Variants in CALHM4 observed in about 807,000 individuals in gnomAD.
CALHM4 encodes the protein calcium homeostasis modulator protein 4.
CALHM4 carries 16 observed loss-of-function variants against 13.3 expected under a neutral mutation model. The ratio of observed to expected loss-of-function variants is 1.20; its 90% confidence interval spans 0.81 to 1.82. CALHM4 has a LOEUF of 1.82. CALHM4 is among the 40% of genes most tolerant of loss of function. CALHM4 has a pLI of 0.00. For synonymous variants in CALHM4, 127 were observed against 137.1 expected (o/e 0.93, Z 0.52); for missense variants, 344 against 374.9 (o/e 0.92, Z 0.68).
chr6:116,554,457 C>G, intron 1 of CALHM4, 106 bp downstream of exon 1: 1 of 979,318 alleles, frequency 1.0e-6, no homozygotes, highest in Non-Finnish European at 1.5e-6. Flanking sequence ...GATTATAGAA[C>G]ACAATACTAG....
At chr6:116,549,448 T>C (rs911449885), upstream of CALHM4, among the ~76,000 whole-genome samples, 10 of 152,182 alleles carry the variant, frequency 6.6e-5, no homozygotes, top group Non-Finnish European at 8.8e-5. Flanking sequence ...ATGGATAGAA[T>C]ATACAGTGAT....
chr6:116,529,199 T>C (rs1219307790), intron 1 of CALHM4: 1 of 152,246 alleles, frequency 6.6e-6, no homozygotes, highest in Non-Finnish European at 1.5e-5. Flanking sequence ...TGGTAAGGAA[T>C]GCCTGGGTTG....
chr6:116,556,601 G>C (rs891166484), intron 1 of CALHM4, among the ~76,000 whole-genome samples: 3 of 152,226 alleles, frequency 2.0e-5, no homozygotes, highest in Non-Finnish European at 2.9e-5. Context: ...ACAAGATGCA[G>C]AAGAGGCCTT....
At chr6:116,538,580 G>T (rs190228663) in intron 1 of CALHM4, among the ~76,000 whole-genome samples, 43 of 152,214 alleles carry the variant, frequency 2.8e-4, no homozygotes, top group African/African-American at 8.9e-4. Flanking sequence ...TCTCCAAATT[G>T]CCCTTGAAAT....
intron 2 of CALHM4, chr6:116,545,541 C>A: frequency 6.5e-7 from 1 of 1,542,320 alleles, no homozygotes; most frequent in Non-Finnish European, 8.8e-7. Flanking sequence ...AGAATATGAT[C>A]TTCAATTTCT....
chr6:116,540,430 T>C (rs1583295147), intron 1 of CALHM4: 1 of 1,551,306 alleles, frequency 6.4e-7, no homozygotes, highest in Non-Finnish European at 8.7e-7. Context: ...AGCCAAAAAG[T>C]CTTCCACAAG....
At chr6:116,541,875 A>G (rs1422961038) in intron 1 of CALHM4, among the ~76,000 whole-genome samples, 4 of 152,178 alleles carry the variant, frequency 2.6e-5, no homozygotes, top group African/African-American at 9.6e-5. Context: ...GATATTTTAT[A>G]AATTAAAAAT....
chr6:116,555,075 T>C (rs1774250686), intron 1 of CALHM4, among the ~76,000 whole-genome samples: 1 of 152,236 alleles, frequency 6.6e-6, no homozygotes, highest in Admixed American at 6.5e-5. Flanking sequence ...AAACTACTTA[T>C]TGCAAAGGCG....
chr6:116,537,316 ATGT>A (rs774188533), intron 1 of CALHM4, among the ~76,000 whole-genome samples: 6 of 152,172 alleles, frequency 3.9e-5, no homozygotes, highest in Admixed American at 2.0e-4. Context: ...TGGAAAGCAG[ATGT>A]TGTACATTTT....
intron 1 of CALHM4, among the ~76,000 whole-genome samples, chr6:116,534,043 G>A (rs777052929): frequency 8.5e-4 from 129 of 151,994 alleles, no homozygotes; most frequent in Non-Finnish European, 1.6e-3. Context: ...CTTAAGAAGT[G>A]GAACTCTGTC....
intron 1 of CALHM4, among the ~76,000 whole-genome samples, chr6:116,554,914 A>C (rs532377489): frequency 2.6e-5 from 4 of 152,220 alleles, no homozygotes; most frequent in Non-Finnish European, 5.9e-5. Flanking sequence ...GAAAGCCTGA[A>C]CCCTACTACA....
At chr6:116,547,964 C>T (rs1438353652) in intron 2 of CALHM4, among the ~76,000 whole-genome samples, 1 of 152,176 alleles carries the variant, frequency 6.6e-6, no homozygotes, top group Non-Finnish European at 1.5e-5. Flanking sequence ...AGAGTAGACA[C>T]TTGGGAAGGT....
At chr6:116,543,224 G>A in intron 1 of CALHM4, 1 of 1,012,834 alleles carries the variant, frequency 9.9e-7, no homozygotes. Context: ...TGAAGCAAAG[G>A]AAGTCATTAG....
At position 116,557,916 on chromosome 6, in the gene CALHM4, A is replaced by G. The variant is rs1774403416; in HGVS notation, c.650A>G (p.Gln217Arg). 1 of 1,614,164 alleles carries G rather than the reference A, an allele frequency of 6.2e-7. No individual in the cohort carries two copies. The change falls in exon 2 of 2, where the codon CAA (glutamine) becomes CGA (arginine). Residue 217 changes from glutamine to arginine, a missense_variant. Physicochemically the swap from Gln to Arg is conservative, Grantham distance 43. Coordinates refer to ENST00000368596, the MANE Select transcript of CALHM4 (RefSeq NM_001366078.2). ...TGCTGCTCTCCCCTCACCTCTCTGCAACATTGCTACTGGACCAGCCACCTC... is the reference window on the plus strand; with the variant it reads ...TGCTGCTCTCCCCTCACCTCTCTGCGACATTGCTACTGGACCAGCCACCTC... ...AKCCSPLTSL[Q>R]HCYWTSHLQN...
At chr6:116,544,649 G>T (rs962555281) in intron 2 of CALHM4, among the ~76,000 whole-genome samples, 2 of 152,078 alleles carry the variant, frequency 1.3e-5, no homozygotes, top group Admixed American at 1.3e-4. Context: ...AGTGATTTCG[G>T]TATAATATGA....
In CALHM4 at chr6:116,538,784, T is replaced by G. The variant is rs148258345; in HGVS notation, c.-108-4981T>G. The stretch of plus-strand genomic sequence containing the variant: ...TCTTGCTCTGTCACCCAGGCTGGAG[T>G]GCAGTTGCATGATCTTGACTCACTG... On this transcript the variant is annotated intron_variant, in intron 1 of 2. Coordinates refer to the CALHM4 transcript ENST00000368597. Among the ~76,000 whole-genome samples, 810 of 151,398 alleles carry G rather than the reference T, an allele frequency of 5.4e-3. 8 individuals carry two copies. Among genetic ancestry groups the G allele is most frequent in the African/African-American group, 0.018 (761 of 41,230 alleles).
chr6:116,536,423 A>G (rs910397223), intron 1 of CALHM4, among the ~76,000 whole-genome samples: 1 of 152,220 alleles, frequency 6.6e-6, no homozygotes, highest in Non-Finnish European at 1.5e-5. Flanking sequence ...TGAGGGAAAC[A>G]AGAGAGGGGA....
intron 1 of CALHM4, among the ~76,000 whole-genome samples, chr6:116,537,115 G>A (rs1376435701): frequency 6.6e-6 from 1 of 152,168 alleles, no homozygotes; most frequent in Non-Finnish European, 1.5e-5. Flanking sequence ...TTTGAAGGAA[G>A]GTGCAAAGAG....
At chr6:116,533,963 C>G (rs1049825990) in intron 1 of CALHM4, among the ~76,000 whole-genome samples, 8 of 152,130 alleles carry the variant, frequency 5.3e-5, no homozygotes, top group African/African-American at 1.4e-4. Flanking sequence ...CTGAGTCTAG[C>G]AACACAGCAG....
Sources: gnomAD v4.1 joint callset for allele counts (sites outside exome capture counted in the v4.1 genomes callset) on GRCh38, gnomAD v4.1.1 for gene constraint, MANE v1.5 for transcripts, NCBI Gene and HGNC (gene_info 2026-07-23, HGNC 2026-07-21) for gene names.